The following CLASRP variants were observed in gnomAD, a reference collection of about 807,000 sequenced individuals.
The protein encoded by CLASRP is CLK4 associating serine/arginine rich protein, also known as CLK4-associating serine/arginine rich protein.
CLASRP carries 52 observed loss-of-function variants against 99.9 expected under a neutral mutation model. The observed-to-expected ratio is 0.52, with a 90% CI of 0.42 to 0.66. The LOEUF (loss-of-function observed/expected upper bound fraction) is 0.66, where lower values mean the gene tolerates loss of function less well. CLASRP is among the 30% of genes least tolerant of loss of function. The probability of loss-of-function intolerance (pLI) is 0.00; values close to 1 mark genes in which losing one functional copy is unlikely to be tolerated. For synonymous variants in CLASRP, 379 were observed against 373.0 expected (o/e 1.02, Z -0.18); for missense variants, 848 against 999.2 (o/e 0.85, Z 2.04).
rs1486994069 is a variant in CLASRP at position 45,063,934 on chromosome 19, T to C, written c.906-78T>C. The C allele has an allele frequency of 1.5e-5, 22 of 1,493,156 alleles. No homozygotes were observed. In the East Asian group the frequency reaches 5.4e-4, roughly 37 times the overall value. 92.5% of individuals were successfully genotyped at this position (1,493,156 alleles called of 1,614,324 possible). ...TCGCTGTGGCCCGCGCTGGCGCTGC[T>C]GTTGATCTGCTGTGTGTGCTGTTCC... On this transcript the variant is annotated intron_variant, in intron 11 of 20. Transcript: ENST00000221455.
rs1967149918 is a variant in CLASRP at position 45,068,473 on chromosome 19, C to A, written c.1761C>A (p.Asn587Lys). Residue 587 changes from asparagine to lysine, a missense_variant, in exon 16 of 21, where the codon AAC (asparagine) becomes AAA (lysine). Physicochemically the swap from Asn to Lys is moderately conservative, Grantham distance 94. Transcript: ENST00000221455. ...AACTGAGGATGCAGAAGGCGCTGAA[C>A]AGGCAGTGTATGTTCTGCCCTGTCC... ...KLKLRMQKAL[N>K]RQFKADKKAA... The A allele has an allele frequency of 6.2e-7, 1 of 1,611,614 alleles. No individual in the cohort carries two copies. The highest frequency in any genetic ancestry group is 1.7e-5 in the Admixed American group (1 of 59,976).
At chr19:45,070,389 C>A (rs962096901) in intron 19 of CLASRP, 148 bp from the exon 20 acceptor site, 3 of 773,498 alleles carry the variant, frequency 3.9e-6, no homozygotes, top group Non-Finnish European at 7.0e-6. Context: ...TGGTGAGGGG[C>A]ACAGATGGCA....
rs1321570827 is a variant in CLASRP, at chr19:45,064,480, G to A, written c.1259G>A (p.Arg420His). 3 of 1,533,606 alleles carry A rather than the reference G, an allele frequency of 2.0e-6. No individual in the cohort carries two copies. Among genetic ancestry groups the A allele is most frequent in the African/African-American group, 1.4e-5 (1 of 72,896 alleles). The allele number at this position is 1,533,606 out of a possible 1,614,324, so 95.0% of individuals were successfully genotyped here. Residue 420 changes from arginine (R) to histidine (H), a missense_variant, in exon 13 of 21, where the codon CGC becomes CAC. Arg to His is a conservative substitution (Grantham distance 29). Coordinates refer to ENST00000221455, the MANE Select transcript of CLASRP (RefSeq NM_007056.3). ...RSGRHARSRS[R>H]SWSRSRSRSR... ...GGCCGCCACGCCCGCTCCCGGTCCC[G>A]CTCCTGGTCCCGCTCCCGCTCCCGC... is the stretch of plus-strand genomic sequence containing the variant.
chr19:45,058,889 C>T (rs1030387435), intron 7 of CLASRP, among the ~76,000 whole-genome samples: 7 of 151,922 alleles, frequency 4.6e-5, no homozygotes, highest in African/African-American at 1.5e-4. Flanking sequence ...CTCACTCATC[C>T]ATTCCTCCCT....
chr19:45,054,660 AC>A (rs1248776045), intron 5 of CLASRP, among the ~76,000 whole-genome samples: 1 of 152,104 alleles, frequency 6.6e-6, no homozygotes. Context: ...CTCCTAACTC[AC>A]CTACCAAGAA....
intron 13 of CLASRP, 103 bp downstream of exon 13, chr19:45,064,733 A>G (rs1967043712): frequency 6.9e-7 from 1 of 1,445,132 alleles, no homozygotes; most frequent in Non-Finnish European, 9.1e-7. Context: ...TCCAGCTCAG[A>G]GAACACCCCA....
At chr19:45,058,877 G>A (rs756564114) in intron 7 of CLASRP, among the ~76,000 whole-genome samples, 6 of 149,330 alleles carry the variant, frequency 4.0e-5, no homozygotes, top group Admixed American at 3.3e-4. Context: ...CCCACCACAC[G>A]CCTCACTCAT....
At position 45,070,911 on chromosome 19, in the gene CLASRP, T is replaced by A; in HGVS notation, c.*66T>A. The A allele has an allele frequency of 1.0e-6, 1 of 983,836 alleles. No homozygotes were observed. Among genetic ancestry groups the A allele is most frequent in the Non-Finnish European group, 1.6e-6 (1 of 641,010 alleles). 60.9% of individuals were successfully genotyped at this position (983,836 alleles called of 1,614,324 possible). A position where few individuals can be genotyped will look rare whatever the true frequency, so the allele number is the denominator to read the frequency against. On this transcript the variant is annotated 3_prime_UTR_variant, in exon 21 of 21. Transcript: ENST00000221455. ...GGGGCTCAAGCTGTGATGCTGCTGG[T>A]TTTATCTCTAGTGAAATAAAGTCAA...
At chr19:45,068,320 C>G (rs1045626752) in intron 15 of CLASRP, 100 bp from the exon 16 acceptor site, 1 of 622,096 alleles carries the variant, frequency 1.6e-6, no homozygotes, top group Non-Finnish European at 2.9e-6. Context: ...CTCCCCCCCC[C>G]ACCCCCCCCC....
intron 2 of CLASRP, among the ~76,000 whole-genome samples, chr19:45,051,109 G>A (rs1200251139): frequency 6.6e-6 from 1 of 152,040 alleles, no homozygotes; most frequent in East Asian, 1.9e-4. Flanking sequence ...TTCCCTGATG[G>A]CTAATGATGT....
intron 20 of CLASRP, 95 bp downstream of exon 20, chr19:45,070,656 C>CA (rs1967220070): frequency 7.4e-7 from 1 of 1,351,164 alleles, no homozygotes; most frequent in South Asian, 1.2e-5. Flanking sequence ...ACCCTGTACC[C>CA]ACCTCCAGTT....
At chr19:45,049,590 C>T (rs768501225) in intron 2 of CLASRP, among the ~76,000 whole-genome samples, 1 of 152,184 alleles carries the variant, frequency 6.6e-6, no homozygotes, top group Non-Finnish European at 1.5e-5. Context: ...CCGGACTGCA[C>T]CTTCTCATCT....
rs1477265350 is a variant in CLASRP, at chr19:45,067,474, CCAGCCCCAGCCAGAGCCG to C, written c.1553_1570del (p.Pro518_Ser523del). The C allele has an allele frequency of 1.3e-5, 21 of 1,561,624 alleles. No individual in the cohort carries two copies. The highest frequency in any genetic ancestry group is 1.8e-5 in the Non-Finnish European group (21 of 1,158,540). ...CTGACTCGCAGCCGCAGCCATAGCC[CCAGCCCCAGCCAGAGCCG>C]CAGCCGCAGCCGCAGCCGCAGCCAG... is the stretch of plus-strand genomic sequence containing the variant. On this transcript the variant is annotated inframe_deletion, in exon 14 of 21. Transcript: ENST00000221455. This position sits in a 1 kb window ranked among gnomAD's most constrained non-coding sequence, Gnocchi z 4.9.
chr19:45,040,367 G>A, intron 2 of CLASRP, 56 bp downstream of exon 2: 1 of 1,208,796 alleles, frequency 8.3e-7, no homozygotes, highest in Non-Finnish European at 1.2e-6. Flanking sequence ...GGGCACAGCT[G>A]GTCATCCTGG....
chr19:45,068,392 T>G, intron 15 of CLASRP, 28 bp from the exon 16 acceptor site: 7 of 671,914 alleles, frequency 1.0e-5, no homozygotes, highest in Non-Finnish European at 1.6e-5. Context: ...ACCCACCCCC[T>G]CTCCCGCCTC....
intron 6 of CLASRP, 28 bp downstream of exon 6, chr19:45,056,562 T>A (rs775726048): frequency 1.3e-6 from 2 of 1,596,594 alleles, no homozygotes; most frequent in Non-Finnish European, 8.6e-7. Context: ...GTGCAGGGGG[T>A]TGAGGAGGCA....
intron 13 of CLASRP, among the ~76,000 whole-genome samples, chr19:45,064,895 ATCTC>A (rs899357293): frequency 6.6e-6 from 1 of 152,110 alleles, no homozygotes; most frequent in African/African-American, 2.4e-5. Flanking sequence ...GAGACTGTGC[ATCTC>A]TCTCTCCTCA....
chr19:45,058,542 C>T (rs183030792), intron 7 of CLASRP, among the ~76,000 whole-genome samples: 3 of 152,246 alleles, frequency 2.0e-5, no homozygotes, highest in Admixed American at 6.5e-5. Flanking sequence ...CACGCCACCA[C>T]GCCCAGCTAA....
At chr19:45,069,975 AGT>A in intron 18 of CLASRP, 45 bp from the exon 19 acceptor site, 1 of 1,050,994 alleles carries the variant, frequency 9.5e-7, no homozygotes, top group Non-Finnish European at 1.5e-6. Flanking sequence ...CCCTGAGTTC[AGT>A]GTGTCCAGTG....
Sources: gnomAD v4.1 joint callset for allele counts (sites outside exome capture counted in the v4.1 genomes callset) on GRCh38, gnomAD v4.1.1 for gene constraint, Gnocchi (gnomAD v3.1) non-coding constraint, MANE v1.5 for transcripts, NCBI Gene and HGNC (gene_info 2026-07-23, HGNC 2026-07-21) for gene names.